MECOM: variants seen among roughly 807,000 people sequenced by gnomAD.
The protein encoded by MECOM is histone-lysine N-methyltransferase MECOM.
MECOM carries 13 observed loss-of-function variants against 116.3 expected under a neutral mutation model. That is an observed-to-expected ratio of 0.11 (90% CI 0.07 to 0.18). The LOEUF (loss-of-function observed/expected upper bound fraction) is 0.18. Among genes scored for constraint, MECOM ranks in the 10% least tolerant of loss-of-function variants. MECOM has a pLI of 1.00. For missense variants in MECOM, 1,299 were observed against 1,509.0 expected (o/e 0.86, Z 2.31); for synonymous variants, 528 against 535.2 (o/e 0.99, Z 0.19).
intron 2 of MECOM, among the ~76,000 whole-genome samples, chr3:169,153,915 C>CAGTAAACATACATTGTGCATGT (rs1741552927): frequency 6.6e-6 from 1 of 152,188 alleles, no homozygotes; most frequent in East Asian, 1.9e-4. Flanking sequence ...AACTTACATA[C>CAGTAAACATACATTGTGCATGT]ATGCACAATG....
chr3:169,134,078 G>T, intron 3 of MECOM: 1 of 510,738 alleles, frequency 2.0e-6, no homozygotes, highest in Non-Finnish European at 3.2e-6. Context: ...TGTCTCTATT[G>T]GGGAATACTA....
chr3:169,246,991 A>G (rs1372110964), intron 2 of MECOM, among the ~76,000 whole-genome samples: 1 of 152,222 alleles, frequency 6.6e-6, no homozygotes, highest in Non-Finnish European at 1.5e-5. Flanking sequence ...ATTCTCTGGC[A>G]ATAGCCTATT....
intron 1 of MECOM, among the ~76,000 whole-genome samples, chr3:169,471,025 C>T (rs1428153256): frequency 3.3e-5 from 5 of 152,062 alleles, no homozygotes; most frequent in African/African-American, 9.7e-5. Context: ...GACCTTGCCT[C>T]ACTGCAGCCT....
rs184271449 is a variant in MECOM at position 169,222,240 on chromosome 3, G to A, written c.376-78408C>T. Among the ~76,000 whole-genome samples, 5 of 152,324 alleles carry A rather than the reference G, an allele frequency of 3.3e-5. No individual in the cohort carries two copies. In the East Asian group the frequency reaches 5.8e-4, roughly 18 times the overall value. On this transcript the variant is annotated intron_variant, in intron 2 of 16. Coordinates refer to ENST00000651503, the MANE Select transcript of MECOM (RefSeq NM_004991.4). ...GTCCAACATAATCTGATATTAGCTAGCTAATTAAAGCAAACTTAATTGAAA... is the reference window on the plus strand; with the variant it reads ...GTCCAACATAATCTGATATTAGCTAACTAATTAAAGCAAACTTAATTGAAA...
intron 1 of MECOM, among the ~76,000 whole-genome samples, chr3:169,607,558 T>C (rs1768746703): frequency 6.6e-6 from 1 of 152,244 alleles, no homozygotes. Context: ...ACAAATCGTA[T>C]TGGTAAGAAT....
intron 1 of MECOM, among the ~76,000 whole-genome samples, chr3:169,658,889 G>T (rs1314515115): frequency 6.6e-6 from 1 of 152,094 alleles, no homozygotes; most frequent in African/African-American, 2.4e-5. Context: ...GGCCGAGCCG[G>T]GCGTGCCGGG....
intron 2 of MECOM, among the ~76,000 whole-genome samples, chr3:169,202,970 C>T (rs1364179590): frequency 6.6e-6 from 1 of 151,866 alleles, no homozygotes; most frequent in Non-Finnish European, 1.5e-5. Context: ...AAATAAAGTT[C>T]TAAAATAGCA....
chr3:169,097,709 A>G (rs1230492104), intron 12 of MECOM, among the ~76,000 whole-genome samples: 3 of 151,262 alleles, frequency 2.0e-5, no homozygotes, highest in Admixed American at 6.6e-5. Flanking sequence ...ACCTGCCTAT[A>G]CTATAATCCC....
intron 1 of MECOM, among the ~76,000 whole-genome samples, chr3:169,442,901 A>C (rs1560280642): frequency 6.6e-6 from 1 of 152,158 alleles, no homozygotes; most frequent in Non-Finnish European, 1.5e-5. Context: ...GCTTTGTATT[A>C]CAGTCATTTG....
chr3:169,381,592 C>A, intron 1 of MECOM, 68 bp from the exon 2 acceptor site: 1 of 1,194,804 alleles, frequency 8.4e-7, no homozygotes, highest in South Asian at 1.6e-5. Flanking sequence ...CAGGGGTAGC[C>A]ACCTTATTAT....
chr3:169,102,299 G>C (rs1723855426), intron 10 of MECOM, 73 bp from the exon 11 acceptor site: 2 of 1,414,006 alleles, frequency 1.4e-6, no homozygotes, highest in Non-Finnish European at 1.9e-6. Flanking sequence ...GCAAACCAAG[G>C]ACATCATTAA....
chr3:169,282,351 C>T (rs983484383), intron 2 of MECOM, among the ~76,000 whole-genome samples: 5 of 152,066 alleles, frequency 3.3e-5, no homozygotes, highest in African/African-American at 9.7e-5. Flanking sequence ...TGAGGGATAT[C>T]GAGTTGCTAA....
intron 2 of MECOM, among the ~76,000 whole-genome samples, chr3:169,221,311 G>T (rs1319911436): frequency 6.6e-6 from 1 of 152,126 alleles, no homozygotes; most frequent in Non-Finnish European, 1.5e-5. Context: ...GCTAACATTA[G>T]ATAACAGTCA....
intron 1 of MECOM, among the ~76,000 whole-genome samples, chr3:169,520,554 GAC>G (rs1383673219): frequency 6.6e-6 from 1 of 152,166 alleles, no homozygotes; most frequent in African/African-American, 2.4e-5. Context: ...AGATCATTAA[GAC>G]AGAATTAATG....
Position 169,127,901 on chromosome 3 carries a change from T to G in MECOM, c.773A>C (p.Glu258Ala). Residue 258 changes from glutamate (E) to alanine (A), a missense_variant, in exon 5 of 17, where the codon GAG (glutamate) becomes GCG (alanine). By Grantham distance (107) the Glu-to-Ala change is moderately radical. Coordinates refer to ENST00000651503, the MANE Select transcript of MECOM (RefSeq NM_004991.4). ...CTTACACTCCTGGATCGTGTGTATCTCTTGGAGATCATTCTCGCTTTCGAG... is the reference window on the plus strand; with the variant it reads ...CTTACACTCCTGGATCGTGTGTATCGCTTGGAGATCATTCTCGCTTTCGAG... Reference protein sequence around the residue: ...QKLESENDLQEIHTIQECKEC... With the variant: ...QKLESENDLQAIHTIQECKEC... The G allele has an allele frequency of 6.2e-7, 1 of 1,614,114 alleles. No homozygotes were observed. The highest frequency in any genetic ancestry group is 8.5e-7 in the Non-Finnish European group (1 of 1,179,964).
intron 2 of MECOM, among the ~76,000 whole-genome samples, chr3:169,156,719 A>G (rs540425869): frequency 6.6e-5 from 10 of 152,280 alleles, no homozygotes; most frequent in African/African-American, 7.2e-5. Flanking sequence ...AAGTCCTTCC[A>G]AAGCAGAGAT....
intron 1 of MECOM, among the ~76,000 whole-genome samples, chr3:169,527,670 G>T (rs558117510): frequency 2.6e-5 from 4 of 152,154 alleles, no homozygotes; most frequent in Non-Finnish European, 5.9e-5. Context: ...TACAGAGGCT[G>T]CATTGTGCCA....
chr3:169,421,564 C>A (rs1017551647), intron 1 of MECOM, among the ~76,000 whole-genome samples: 15 of 152,046 alleles, frequency 9.9e-5, no homozygotes, highest in Non-Finnish European at 1.9e-4. Flanking sequence ...TTCTTGCTTT[C>A]CTTTGATCTC....
At chr3:169,548,527 T>C (rs1760995195) in intron 1 of MECOM, among the ~76,000 whole-genome samples, 1 of 152,210 alleles carries the variant, frequency 6.6e-6, no homozygotes, top group Non-Finnish European at 1.5e-5. Flanking sequence ...GCTAAAACCT[T>C]AACACTCTTT....
Sources: gnomAD v4.1 joint callset for allele counts (sites outside exome capture counted in the v4.1 genomes callset) on GRCh38, gnomAD v4.1.1 for gene constraint, MANE v1.5 for transcripts, NCBI Gene and HGNC (gene_info 2026-07-23, HGNC 2026-07-21) for gene names.